ZFAND3: variants seen among roughly 807,000 people sequenced by gnomAD.
ZFAND3 encodes zinc finger AN1-type containing 3, also known as AN1-type zinc finger protein 3.
Under a neutral mutation model 29.6 loss-of-function variants are expected in ZFAND3, and 10 were observed. The ratio of observed to expected loss-of-function variants is 0.34; its 90% CI spans 0.21 to 0.57. The LOEUF is 0.57. Ranked by LOEUF, ZFAND3 falls within the 20% of genes least tolerant of loss-of-function variation. The probability of loss-of-function intolerance (pLI) is 0.86; values close to 1 mark genes in which losing one functional copy is unlikely to be tolerated. For missense variants in ZFAND3, 230 were observed against 304.5 expected, an observed-to-expected ratio of 0.76 and a Z score of 1.82; for synonymous variants, 128 against 112.6, an observed-to-expected ratio of 1.14 and a Z score of -0.87.
intron 1 of ZFAND3, among the ~76,000 whole-genome samples, chr6:37,851,164 T>TC (rs963796417): frequency 5.9e-5 from 9 of 151,622 alleles, no homozygotes; most frequent in African/African-American, 1.9e-4. Context: ...TTTTTTTTTT[T>TC]CAGGTAGAGA....
chr6:37,947,925 T>C (rs148661417), intron 2 of ZFAND3, among the ~76,000 whole-genome samples: 102 of 152,344 alleles, frequency 6.7e-4, no homozygotes, highest in African/African-American at 2.3e-3. Flanking sequence ...CCTGGAGGAT[T>C]TTCCAGAGAT....
At chr6:37,948,815 G>T (rs1385262048) in intron 2 of ZFAND3, among the ~76,000 whole-genome samples, 2 of 152,114 alleles carry the variant, frequency 1.3e-5, no homozygotes, top group African/African-American at 4.8e-5. Context: ...ATAGTATTCT[G>T]TGGTGTTGTC....
intron 5 of ZFAND3, among the ~76,000 whole-genome samples, chr6:38,136,273 G>A (rs1765840914): frequency 6.6e-6 from 1 of 152,254 alleles, no homozygotes; most frequent in Non-Finnish European, 1.5e-5. Flanking sequence ...CTGTGACACA[G>A]TCCAAGGAAG....
At chr6:37,944,904 G>A (rs192409978) in intron 2 of ZFAND3, among the ~76,000 whole-genome samples, 680 of 152,244 alleles carry the variant, frequency 4.5e-3, no homozygotes, top group Non-Finnish European at 7.5e-3. Context: ...AGGGGAGTGC[G>A]AGCATACTCC....
In ZFAND3 at chr6:38,038,623, G is replaced by A. The variant is rs57160603; in HGVS notation, c.113-22970G>A. The stretch of plus-strand genomic sequence containing the variant: ...GGAGAATGAAAGTCGTTTCCCCCCC[G>A]CTTTGGTGCTTTATTTTATTTTTTT... On this transcript the variant is annotated intron_variant, in intron 2 of 5. Transcript: ENST00000287218. Among the ~76,000 whole-genome samples the A allele has an allele frequency of 1.4e-3, 217 of 151,964 alleles. 1 individual carries two copies. The highest frequency in any genetic ancestry group is 4.3e-3 in the African/African-American group (180 of 41,458).
chr6:37,944,836 T>A (rs955656382), intron 2 of ZFAND3, among the ~76,000 whole-genome samples: 11 of 152,120 alleles, frequency 7.2e-5, no homozygotes, highest in Admixed American at 2.0e-4. Flanking sequence ...AAGGATGAGT[T>A]GGAAAATAGT....
intron 5 of ZFAND3, among the ~76,000 whole-genome samples, chr6:38,140,813 A>G (rs1357167347): frequency 2.0e-5 from 3 of 152,210 alleles, no homozygotes; most frequent in Non-Finnish European, 4.4e-5. Context: ...TGGGCTATCC[A>G]TTCAGTAGGG....
chr6:37,927,618 ACTT>A (rs748135302), intron 1 of ZFAND3, among the ~76,000 whole-genome samples: 4 of 152,188 alleles, frequency 2.6e-5, no homozygotes, highest in African/African-American at 4.8e-5. Flanking sequence ...CTTCATTCTC[ACTT>A]CTTCCTTGCG....
intron 1 of ZFAND3, among the ~76,000 whole-genome samples, chr6:37,893,213 T>C (rs1397385971): frequency 6.6e-6 from 1 of 152,084 alleles, no homozygotes; most frequent in East Asian, 1.9e-4. Context: ...GTAAACCAAA[T>C]CAGAGATGCA....
chr6:37,908,542 TAAAAAAAAAAAAAA>T (rs70981504), intron 1 of ZFAND3, among the ~76,000 whole-genome samples: 2 of 124,130 alleles, frequency 1.6e-5, no homozygotes, highest in African/African-American at 5.7e-5. Flanking sequence ...AAAAAAAAAT[TAAAAAAAAAAAAAA>T]AAAGAAAAAA....
intron 5 of ZFAND3, among the ~76,000 whole-genome samples, chr6:38,147,452 C>G (rs1467183404): frequency 6.6e-6 from 1 of 152,206 alleles, no homozygotes; most frequent in Non-Finnish European, 1.5e-5. Context: ...AATAAACATG[C>G]GAATGCAGGC....
chr6:38,034,869 C>G (rs962689949), intron 2 of ZFAND3, among the ~76,000 whole-genome samples: 1 of 151,976 alleles, frequency 6.6e-6, no homozygotes, highest in African/African-American at 2.4e-5. Flanking sequence ...ATACCACTTC[C>G]CAAAAAGGGT....
In ZFAND3 at chr6:38,084,118, G is replaced by T. The variant is rs900225858; in HGVS notation, c.361+1661G>T. Among the ~76,000 whole-genome samples the T allele has an allele frequency of 7.2e-5, 11 of 152,226 alleles. 1 individual carries two copies. The highest frequency in any genetic ancestry group is 3.3e-4 in the Admixed American group (5 of 15,272). ...GGATCTTTAAGACACTAAAGCCTGC[G>T]CTGTTTTCCCCTATATCATGCTACT... On this transcript the variant is annotated intron_variant, in intron 4 of 5. Coordinates refer to ENST00000287218, the MANE Select transcript of ZFAND3 (RefSeq NM_021943.3).
At chr6:37,982,722 A>G (rs1357913032) in intron 2 of ZFAND3, among the ~76,000 whole-genome samples, 1 of 152,224 alleles carries the variant, frequency 6.6e-6, no homozygotes, top group African/African-American at 2.4e-5. Flanking sequence ...TATGCTATCT[A>G]TCCTTAGAGT....
intron 4 of ZFAND3, among the ~76,000 whole-genome samples, chr6:38,093,226 AAGAG>A (rs942396715): frequency 6.6e-6 from 1 of 152,232 alleles, no homozygotes; most frequent in South Asian, 2.1e-4. Flanking sequence ...GGAATAGAGA[AAGAG>A]AGATAAATCT....
At chr6:37,929,800 G>A (rs1251604279) in intron 1 of ZFAND3, among the ~76,000 whole-genome samples, 159 bp from the exon 2 acceptor site, 7 of 150,872 alleles carry the variant, frequency 4.6e-5, no homozygotes, top group African/African-American at 9.8e-5. Context: ...TGAGGGGGGA[G>A]TGGTGGCTAG....
intron 5 of ZFAND3, among the ~76,000 whole-genome samples, chr6:38,120,461 G>A (rs9470785): frequency 0.011 from 1,712 of 151,206 alleles, 32 homozygotes; most frequent in African/African-American, 0.04. Context: ...TAGTAGCTGG[G>A]ACTACAGGTG....
chr6:38,070,322 G>C (rs949692085), intron 3 of ZFAND3, among the ~76,000 whole-genome samples: 2 of 151,866 alleles, frequency 1.3e-5, no homozygotes, highest in Admixed American at 1.3e-4. Flanking sequence ...TACTCGGGGG[G>C]CTGAGGCAGG....
At chr6:37,902,754 T>TC (rs1402180146) in intron 1 of ZFAND3, among the ~76,000 whole-genome samples, 1 of 142,698 alleles carries the variant, frequency 7.0e-6, no homozygotes, top group Admixed American at 7.0e-5. Flanking sequence ...TTTTTTTTTT[T>TC]TTTTTTAAGA....
Sources: gnomAD v4.1 joint callset for allele counts (sites outside exome capture counted in the v4.1 genomes callset) on GRCh38, gnomAD v4.1.1 for gene constraint, MANE v1.5 for transcripts, NCBI Gene and HGNC (gene_info 2026-07-23, HGNC 2026-07-21) for gene names.